EPB41: variants seen among roughly 807,000 people sequenced by gnomAD.
EPB41 encodes the protein protein 4.1.
EPB41 carries 65 observed loss-of-function variants against 108.0 expected under a neutral mutation model. That is an observed-to-expected ratio of 0.60 (90% confidence interval 0.49 to 0.74). The LOEUF is 0.74. Ranked by LOEUF, EPB41 falls within the 30% of genes least tolerant of loss-of-function variation. EPB41 has a pLI of 0.00. For synonymous variants in EPB41, 336 were observed against 358.9 expected, an observed-to-expected ratio of 0.94 and a Z score of 0.72; for missense variants, 875 against 1,037.0, an observed-to-expected ratio of 0.84 and a Z score of 2.15.
intron 2 of EPB41, among the ~76,000 whole-genome samples, chr1:28,990,655 G>T (rs1402808150): frequency 2.0e-5 from 3 of 152,092 alleles, no homozygotes; most frequent in East Asian, 1.9e-4. Context: ...CTGAACTCGA[G>T]CAATCCTTCT....
intron 1 of EPB41, among the ~76,000 whole-genome samples, chr1:28,895,112 T>C (rs1396102225): frequency 6.6e-6 from 1 of 152,186 alleles, no homozygotes; most frequent in East Asian, 1.9e-4. Flanking sequence ...GACACCTCCC[T>C]TGAAGAATTG....
intron 1 of EPB41, among the ~76,000 whole-genome samples, chr1:28,977,152 G>A (rs938464574): frequency 2.6e-5 from 4 of 151,850 alleles, no homozygotes; most frequent in Non-Finnish European, 4.4e-5. Context: ...TGTGCCCAGT[G>A]GTTTTTTATT....
chr1:28,920,707 A>G (rs529283760), intron 1 of EPB41, among the ~76,000 whole-genome samples: 9 of 152,162 alleles, frequency 5.9e-5, no homozygotes, highest in East Asian at 1.9e-4. Flanking sequence ...TGGTGCGATC[A>G]TGGCTCATTA....
intron 11 of EPB41, among the ~76,000 whole-genome samples, chr1:29,040,012 T>TA (rs1640904486): frequency 1.3e-5 from 2 of 152,038 alleles, no homozygotes; most frequent in South Asian, 4.2e-4. Context: ...TACCAGAGAG[T>TA]AAAAATCTAA....
chr1:29,098,274 A>C (rs1025215687), intron 17 of EPB41, among the ~76,000 whole-genome samples: 3 of 151,856 alleles, frequency 2.0e-5, no homozygotes, highest in African/African-American at 7.3e-5. Flanking sequence ...GGCTCACTGC[A>C]AGCTCTGCCT....
At chr1:28,937,723 A>T (rs567342334) in intron 1 of EPB41, among the ~76,000 whole-genome samples, 5 of 152,306 alleles carry the variant, frequency 3.3e-5, no homozygotes, top group African/African-American at 1.2e-4. Context: ...TCCAATTTAT[A>T]AAAAAATTTT....
intron 1 of EPB41, among the ~76,000 whole-genome samples, chr1:28,905,741 G>A (rs1435000061): frequency 6.6e-6 from 1 of 151,920 alleles, no homozygotes; most frequent in African/African-American, 2.4e-5. Context: ...GAGTCATACA[G>A]CAAATTTATT....
intron 2 of EPB41, among the ~76,000 whole-genome samples, chr1:28,991,736 G>A (rs965098932): frequency 1.3e-5 from 2 of 149,536 alleles, no homozygotes; most frequent in African/African-American, 4.9e-5. Flanking sequence ...AAAACAAATC[G>A]TGGATTCTGA....
chr1:28,934,643 G>T (rs1371911615), intron 1 of EPB41, among the ~76,000 whole-genome samples: 1 of 131,920 alleles, frequency 7.6e-6, no homozygotes, highest in African/African-American at 3.0e-5. Flanking sequence ...TGCTCTTTTG[G>T]TTGGCCTCTG....
intron 16 of EPB41, among the ~76,000 whole-genome samples, chr1:29,079,244 G>C (rs186831676): frequency 1.3e-5 from 2 of 151,014 alleles, no homozygotes; most frequent in Non-Finnish European, 1.5e-5. Flanking sequence ...TGATCTGCCC[G>C]CCTCAGTCTC....
intron 10 of EPB41, among the ~76,000 whole-genome samples, chr1:29,037,411 A>G (rs1406423681): frequency 2.0e-5 from 3 of 151,820 alleles, no homozygotes; most frequent in African/African-American, 4.8e-5. Flanking sequence ...GAGTTCGTTT[A>G]CCAAGCATTT....
chr1:29,007,947 G>A (rs1196842102), intron 4 of EPB41, among the ~76,000 whole-genome samples: 4 of 152,138 alleles, frequency 2.6e-5, no homozygotes, highest in African/African-American at 4.8e-5. Context: ...TTTTCTGAGT[G>A]CCAGACCTGC....
At chr1:29,114,444 A>C (rs1670202970) in intron 19 of EPB41, among the ~76,000 whole-genome samples, 1 of 152,140 alleles carries the variant, frequency 6.6e-6, no homozygotes, top group African/African-American at 2.4e-5. Flanking sequence ...GGAGTTCGAG[A>C]CCAGCCTGGC....
chr1:28,935,455 ACACACACACACAC>A (rs2093962741), intron 1 of EPB41, among the ~76,000 whole-genome samples: 1 of 52,294 alleles, frequency 1.9e-5, no homozygotes, highest in Non-Finnish European at 3.5e-5. Flanking sequence ...ACACACACAC[ACACACACACACAC>A]CCCCCCCCCC....
chr1:28,903,706 T>C (rs1307292937), intron 1 of EPB41, among the ~76,000 whole-genome samples: 1 of 152,068 alleles, frequency 6.6e-6, no homozygotes, highest in Non-Finnish European at 1.5e-5. Flanking sequence ...TGACATATTG[T>C]ATATAAAACA....
At chr1:29,114,453 G>C (rs1466189426) in intron 19 of EPB41, among the ~76,000 whole-genome samples, 1 of 152,004 alleles carries the variant, frequency 6.6e-6, no homozygotes, top group African/African-American at 2.4e-5. Flanking sequence ...GACCAGCCTG[G>C]CCAAGGTGGC....
At chr1:29,105,446 C>G (rs1666814822) in intron 17 of EPB41, among the ~76,000 whole-genome samples, 1 of 151,840 alleles carries the variant, frequency 6.6e-6, no homozygotes, top group Admixed American at 6.6e-5. Context: ...CCATGTTGGC[C>G]AGGCTGGTCT....
chr1:29,075,432 C>T (rs147745227), intron 16 of EPB41, among the ~76,000 whole-genome samples: 3,608 of 152,118 alleles, frequency 0.024, 62 homozygotes, highest in Middle Eastern at 0.051. Context: ...GAGCTGAGAT[C>T]GCGCCACTGT....
At chr1:29,031,159 G>A (rs1437333362) in intron 8 of EPB41, among the ~76,000 whole-genome samples, 1 of 152,164 alleles carries the variant, frequency 6.6e-6, no homozygotes, top group African/African-American at 2.4e-5. Flanking sequence ...TGTATCAATT[G>A]AATTTGCCCC....
Sources: gnomAD v4.1 joint callset for allele counts (sites outside exome capture counted in the v4.1 genomes callset) on GRCh38, gnomAD v4.1.1 for gene constraint, MANE v1.5 for transcripts, NCBI Gene and HGNC (gene_info 2026-07-23, HGNC 2026-07-21) for gene names.